Variants in HIVEP3 observed in about 807,000 individuals in gnomAD.
HIVEP3 encodes HIVEP zinc finger 3.
A neutral mutation model predicts 152.8 loss-of-function variants in HIVEP3; 49 were observed. The ratio of observed to expected loss-of-function variants is 0.32; its 90% CI spans 0.26 to 0.41. HIVEP3 has a LOEUF of 0.41. Among genes scored for constraint, HIVEP3 ranks in the 10% least tolerant of loss-of-function variants. HIVEP3 has a pLI of 1.00. For missense variants in HIVEP3, 2,790 were observed against 3,103.3 expected (o/e 0.90, Z 2.40); for synonymous variants, 1,269 against 1,289.0 (o/e 0.98, Z 0.33).
At position 41,694,334 on chromosome 1, in the gene HIVEP3, A is replaced by C. The variant is rs192050735; in HGVS notation, c.-721+6582T>G. Among the ~76,000 whole-genome samples, 91 of 152,176 alleles carry C rather than the reference A, an allele frequency of 6.0e-4. 1 individual carries two copies. Among genetic ancestry groups the C allele is most frequent in the Non-Finnish European group, 1.1e-3 (73 of 68,014 alleles). On this transcript the variant is annotated intron_variant, in intron 2 of 8. Transcript: ENST00000372583. ...CATGCCCCACCCGACCTTTTTACCC[A>C]AAATTATAATTACTGCTTAGACAGT...
chr1:41,946,738 A>C (rs1486086047), intron 1 of HIVEP3, among the ~76,000 whole-genome samples: 3 of 152,092 alleles, frequency 2.0e-5, no homozygotes, highest in Non-Finnish European at 2.9e-5. Flanking sequence ...CGTCCTGTTC[A>C]AGTTAAACTA....
chr1:41,626,275 C>T (rs1645115771), intron 3 of HIVEP3, among the ~76,000 whole-genome samples: 1 of 152,212 alleles, frequency 6.6e-6, no homozygotes, highest in African/African-American at 2.4e-5. Context: ...GCTGGGAGGG[C>T]CGTGCCAGCA....
chr1:41,714,729 C>G (rs563857543), intron 1 of HIVEP3, among the ~76,000 whole-genome samples: 1 of 152,256 alleles, frequency 6.6e-6, no homozygotes, highest in African/African-American at 2.4e-5. Context: ...CTGGACAGCA[C>G]CAAAACTTTG....
At chr1:41,985,081 G>A (rs1570867937) in intron 1 of HIVEP3, among the ~76,000 whole-genome samples, 1 of 152,182 alleles carries the variant, frequency 6.6e-6, no homozygotes, top group African/African-American at 2.4e-5. Flanking sequence ...TTTCCAAGGA[G>A]ACAACTTTCA....
At chr1:41,922,627 T>C (rs1438676493), upstream of HIVEP3, among the ~76,000 whole-genome samples, 1 of 152,200 alleles carries the variant, frequency 6.6e-6, no homozygotes, top group African/African-American at 2.4e-5. Context: ...TTGTAAAATT[T>C]AATTGTTAGA....
chr1:41,856,899 G>C (rs1643783380), intron 1 of HIVEP3, among the ~76,000 whole-genome samples: 1 of 152,128 alleles, frequency 6.6e-6, no homozygotes. Context: ...AGTTATTTCA[G>C]GTTCAACTGA....
intron 2 of HIVEP3, among the ~76,000 whole-genome samples, chr1:41,667,270 C>A (rs1044038986): frequency 2.0e-5 from 3 of 152,244 alleles, no homozygotes; most frequent in South Asian, 2.1e-4. Flanking sequence ...GACCATCCTG[C>A]CTGGTAACCA....
chr1:41,768,922 G>A (rs932434400), intron 1 of HIVEP3, among the ~76,000 whole-genome samples: 20 of 152,312 alleles, frequency 1.3e-4, no homozygotes, highest in African/African-American at 3.8e-4. Context: ...GGCCGCATCC[G>A]GCAGGTCTCC....
intron 3 of HIVEP3, among the ~76,000 whole-genome samples, chr1:41,590,905 C>A (rs1644578033): frequency 1.3e-5 from 2 of 152,276 alleles, no homozygotes; most frequent in South Asian, 4.1e-4. Flanking sequence ...TGAACCCTGG[C>A]TCCTCCACCT....
intron 5 of HIVEP3, among the ~76,000 whole-genome samples, chr1:41,560,292 G>A (rs1468383742): frequency 6.6e-6 from 1 of 152,194 alleles, no homozygotes; most frequent in Non-Finnish European, 1.5e-5. Context: ...GTGAGGCGCA[G>A]GGCCAGGATT....
At chr1:41,783,327 C>T (rs775271320) in intron 1 of HIVEP3, among the ~76,000 whole-genome samples, 53 of 152,122 alleles carry the variant, frequency 3.5e-4, no homozygotes, top group African/African-American at 2.2e-4. Flanking sequence ...GTGAGCCACA[C>T]GCTTCGGAAG....
intron 1 of HIVEP3, among the ~76,000 whole-genome samples, chr1:41,844,260 C>A (rs1030936625): frequency 7.9e-5 from 12 of 152,220 alleles, no homozygotes; most frequent in African/African-American, 2.9e-4. Context: ...GGGAGCAGCA[C>A]ACTAAACTAA....
chr1:41,605,435 A>C (rs762512002), intron 3 of HIVEP3, among the ~76,000 whole-genome samples: 3 of 152,026 alleles, frequency 2.0e-5, no homozygotes, highest in Non-Finnish European at 4.4e-5. Context: ...AAACTATTCC[A>C]GTACAGCGGT....
At chr1:41,730,314 C>G (rs1646819206) in intron 1 of HIVEP3, among the ~76,000 whole-genome samples, 1 of 152,236 alleles carries the variant, frequency 6.6e-6, no homozygotes, top group Non-Finnish European at 1.5e-5. Context: ...TCCCCTCAAG[C>G]CTTGGTGTCC....
chr1:41,549,963 G>C (rs1197597420), intron 5 of HIVEP3, among the ~76,000 whole-genome samples: 1 of 152,170 alleles, frequency 6.6e-6, no homozygotes, highest in Non-Finnish European at 1.5e-5. Context: ...CCTATGTCCT[G>C]AATGGTATTG....
intron 1 of HIVEP3, among the ~76,000 whole-genome samples, chr1:41,767,611 C>G (rs1648095565): frequency 6.6e-6 from 1 of 152,234 alleles, no homozygotes; most frequent in African/African-American, 2.4e-5. Context: ...GAATCTTAGC[C>G]TGCATTTTTG....
intron 1 of HIVEP3, among the ~76,000 whole-genome samples, chr1:41,844,375 CTCT>C (rs1643375762): frequency 6.6e-6 from 1 of 152,220 alleles, no homozygotes; most frequent in African/African-American, 2.4e-5. Context: ...TGAACCTGAG[CTCT>C]TCTAGTCCAA....
rs370294010 is a variant in HIVEP3, at chr1:41,582,795, T to C, written c.2003A>G (p.Glu668Gly). ...AGAGATGGGCTTTGCGATCTGAAGC[T>C]CTGAGCAGTAGTATTTTTTGTGGGC... Reference protein sequence around the residue: ...YEAHKKYYCSELQIAKPISAG... With the variant: ...YEAHKKYYCSGLQIAKPISAG... The change falls in exon 4 of 9, where the codon GAG becomes GGG. Residue 668 changes from glutamate (E) to glycine (G), a missense_variant. Physicochemically the swap from Glu to Gly is moderately conservative, Grantham distance 98. This residue lies in a region of HIVEP3 where 339 missense variants were observed against 327.0 expected (regional missense o/e 1.04). Coordinates refer to ENST00000372583, the MANE Select transcript of HIVEP3 (RefSeq NM_024503.5). The surrounding 1 kb of genome is among the most constrained non-coding windows in gnomAD (Gnocchi z 4.7). The C allele has an allele frequency of 1.3e-5, 21 of 1,614,082 alleles. No homozygotes were observed. Among genetic ancestry groups the C allele is most frequent in the Non-Finnish European group, 1.4e-5 (17 of 1,180,040 alleles).
intron 1 of HIVEP3, among the ~76,000 whole-genome samples, chr1:41,969,690 A>G (rs1645218744): frequency 6.6e-6 from 1 of 152,234 alleles, no homozygotes; most frequent in African/African-American, 2.4e-5. Flanking sequence ...ATTGCAACAA[A>G]AGCAAAAATT....
Sources: allele counts gnomAD v4.1 joint callset (sites outside exome capture counted in the v4.1 genomes callset), GRCh38; gene constraint gnomAD v4.1.1; regional missense constraint gnomAD v4.1.1; non-coding constraint Gnocchi (gnomAD v3.1); transcripts MANE v1.5; gene names NCBI Gene and HGNC (gene_info 2026-07-23, HGNC 2026-07-21).